AUTS2: variants seen among roughly 807,000 people sequenced by gnomAD.
The protein encoded by AUTS2 is activator of transcription and developmental regulator AUTS2, also known as autism susceptibility gene 2 protein.
A neutral mutation model predicts 112.4 loss-of-function variants in AUTS2; 17 were observed. The observed-to-expected ratio is 0.15, with a 90% CI of 0.10 to 0.23. The LOEUF (loss-of-function observed/expected upper bound fraction) is 0.23, where lower values mean the gene tolerates loss of function less well. Among genes scored for constraint, AUTS2 ranks in the 10% least tolerant of loss-of-function variants. AUTS2 has a pLI of 1.00. For missense variants in AUTS2, 1,510 were observed against 1,701.6 expected (o/e 0.89, Z 1.98); for synonymous variants, 751 against 702.7 (o/e 1.07, Z -1.09).
chr7:69,780,225 T>G (rs746645838), intron 1 of AUTS2, among the ~76,000 whole-genome samples: 2 of 152,208 alleles, frequency 1.3e-5, no homozygotes, highest in Non-Finnish European at 2.9e-5. Flanking sequence ...CTATTAAATT[T>G]TATTCTTAAT....
chr7:70,475,401 C>A (rs1797544128), intron 5 of AUTS2, among the ~76,000 whole-genome samples: 1 of 152,200 alleles, frequency 6.6e-6, no homozygotes, highest in African/African-American at 2.4e-5. Flanking sequence ...CACATTCCCA[C>A]CTTTCCCCCC....
rs150540649 is a variant in AUTS2 at position 70,245,438 on chromosome 7, A to T, written c.660+110867A>T. 4.4e-3 allele frequency among the ~76,000 whole-genome samples: 667 copies of T among 152,218 alleles called. 13 individuals carry two copies. The highest frequency in any genetic ancestry group is 0.034 in the Admixed American group (513 of 15,278). On this transcript the variant is annotated intron_variant, in intron 4 of 18. Transcript: ENST00000342771. ...TTTGCCTTGCGAATACTTACAGTAA[A>T]CATTTCTGTAAAGTTTATCTTTGTT...
chr7:70,160,098 A>G (rs539151105), intron 4 of AUTS2, among the ~76,000 whole-genome samples: 1 of 152,168 alleles, frequency 6.6e-6, no homozygotes, highest in Non-Finnish European at 1.5e-5. Context: ...ATTCTTTTAC[A>G]TGTGACTTTT....
chr7:69,753,362 T>G (rs532031132), intron 1 of AUTS2, among the ~76,000 whole-genome samples: 7 of 152,292 alleles, frequency 4.6e-5, no homozygotes, highest in African/African-American at 1.7e-4. Context: ...CTGTTTTTTT[T>G]TTTCTTTTGT....
chr7:70,290,519 T>G (rs1052296017), intron 4 of AUTS2: 2 of 1,536,348 alleles, frequency 1.3e-6, no homozygotes, highest in Non-Finnish European at 1.8e-6. Flanking sequence ...TTCCGTTTGG[T>G]GTGGTCACTC....
intron 5 of AUTS2, chr7:70,596,151 G>T (rs1282310356): frequency 6.5e-6 from 1 of 152,860 alleles, no homozygotes; most frequent in East Asian, 1.9e-4. Context: ...GAGCGAGGCG[G>T]GCCGGGGCGC....
At chr7:69,621,377 C>T (rs574560786) in intron 1 of AUTS2, among the ~76,000 whole-genome samples, 1 of 151,980 alleles carries the variant, frequency 6.6e-6, no homozygotes, top group African/African-American at 2.4e-5. Flanking sequence ...CCCAACCCAC[C>T]CCACCCCTAC....
chr7:69,926,482 TCTATCTATCTGC>T (rs1562972761), intron 2 of AUTS2, among the ~76,000 whole-genome samples: 3 of 146,192 alleles, frequency 2.1e-5, no homozygotes, highest in African/African-American at 7.6e-5. Flanking sequence ...TATCTATCTA[TCTATCTATCTGC>T]CTGCCTACCT....
chr7:70,352,711 C>T lies in AUTS2; in HGVS notation c.661-83041C>T, dbSNP rs532107167. ...AGCAAAGAAACAAATGAGATAAGCA[C>T]AGGTGTGATAAATGCTTGTTTAAAA... On this transcript the variant is annotated intron_variant, in intron 4 of 18. Coordinates refer to ENST00000342771, the MANE Select transcript of AUTS2 (RefSeq NM_015570.4). Among the ~76,000 whole-genome samples, 14 of 152,132 alleles carry T rather than the reference C, an allele frequency of 9.2e-5. No individual in the cohort carries two copies. In the South Asian group the frequency reaches 2.7e-3, roughly 29 times the overall value.
intron 4 of AUTS2, among the ~76,000 whole-genome samples, chr7:70,237,467 C>T (rs1306888741): frequency 2.0e-5 from 3 of 152,150 alleles, no homozygotes; most frequent in Non-Finnish European, 4.4e-5. Context: ...AAAAAGGACT[C>T]TTCTACTCAT....
intron 4 of AUTS2, among the ~76,000 whole-genome samples, chr7:70,275,541 TA>T (rs1005562669): frequency 2.6e-5 from 4 of 151,688 alleles, no homozygotes; most frequent in Non-Finnish European, 4.4e-5. Context: ...GTTAGAATGG[TA>T]AAAAAAAATT....
chr7:70,305,011 CTT>C (rs1361998722), intron 4 of AUTS2, among the ~76,000 whole-genome samples: 1 of 152,070 alleles, frequency 6.6e-6, no homozygotes, highest in Non-Finnish European at 1.5e-5. Context: ...GCATTCCAGT[CTT>C]TTATCTTTCT....
chr7:70,404,046 C>G (rs987413453), intron 4 of AUTS2, among the ~76,000 whole-genome samples: 2 of 152,206 alleles, frequency 1.3e-5, no homozygotes, highest in African/African-American at 4.8e-5. Flanking sequence ...CTTCTGCACA[C>G]CTTATCCGTC....
rs10230510 is a variant in AUTS2 at position 70,461,430 on chromosome 7, A to G, written c.690+25649A>G. Among the ~76,000 whole-genome samples the G allele has an allele frequency of 3.9e-5, 6 of 152,114 alleles. No homozygotes were observed. In the East Asian group the frequency reaches 5.8e-4, roughly 15 times the overall value. ...GTACCACTGTGAGCTTGGCTTAGTT[A>G]CCAAAGGCTGATGATGGGCTCAGCA... On this transcript the variant is annotated intron_variant, in intron 5 of 18. Coordinates refer to ENST00000342771, the MANE Select transcript of AUTS2 (RefSeq NM_015570.4).
intron 2 of AUTS2, among the ~76,000 whole-genome samples, chr7:69,968,302 A>G (rs890737682): frequency 2.6e-5 from 4 of 152,150 alleles, no homozygotes; most frequent in Non-Finnish European, 1.5e-5. Context: ...CATATATGAG[A>G]TGATCTCTTT....
At chr7:70,503,653 G>A (rs191587582) in intron 5 of AUTS2, among the ~76,000 whole-genome samples, 1 of 151,548 alleles carries the variant, frequency 6.6e-6, no homozygotes, top group African/African-American at 2.4e-5. Flanking sequence ...AAGCAGCTGG[G>A]ACTACAGGTG....
At chr7:70,157,754 G>A (rs1310380759) in intron 4 of AUTS2, among the ~76,000 whole-genome samples, 6 of 152,152 alleles carry the variant, frequency 3.9e-5, no homozygotes, top group Non-Finnish European at 7.3e-5. Context: ...AGCCACTGAA[G>A]GGTTTTATAG....
chr7:69,993,265 G>A (rs1209932299), intron 2 of AUTS2, among the ~76,000 whole-genome samples: 1 of 152,096 alleles, frequency 6.6e-6, no homozygotes, highest in East Asian at 1.9e-4. Context: ...ATTCTTGACT[G>A]ATTGACTGGA....
At chr7:69,880,996 T>C (rs1794018098) in intron 1 of AUTS2, among the ~76,000 whole-genome samples, 1 of 152,196 alleles carries the variant, frequency 6.6e-6, no homozygotes, top group African/African-American at 2.4e-5. Flanking sequence ...TAAAGACGTA[T>C]GAGTAGAATC....
Sources: allele counts gnomAD v4.1 joint callset (sites outside exome capture counted in the v4.1 genomes callset), GRCh38; gene constraint gnomAD v4.1.1; transcripts MANE v1.5; gene names NCBI Gene and HGNC (gene_info 2026-07-23, HGNC 2026-07-21).